The following MS4A6E variants were observed in gnomAD, a reference collection of about 807,000 sequenced individuals.
MS4A6E encodes membrane spanning 4-domains A6E.
In MS4A6E, 8 loss-of-function variants were observed where a neutral mutation model predicts 13.2. That is an observed-to-expected ratio of 0.60 (90% CI 0.35 to 1.09). MS4A6E has a LOEUF of 1.09. MS4A6E is among the 50% of genes least tolerant of loss of function. MS4A6E has a pLI of 0.02. For synonymous variants in MS4A6E, 72 were observed against 67.6 expected (o/e 1.06, Z -0.32); for missense variants, 177 against 171.1 (o/e 1.03, Z -0.19).
chr11:60,332,256 C>G (rs750445230), intron 1 of MS4A6E, among the ~76,000 whole-genome samples: 1 of 152,164 alleles, frequency 6.6e-6, no homozygotes, highest in Admixed American at 6.5e-5. Flanking sequence ...ATGTATTAGT[C>G]TACTTTATTA....
intron 2 of MS4A6E, chr11:60,335,457 C>T: frequency 2.5e-6 from 1 of 397,914 alleles, no homozygotes; most frequent in Non-Finnish European, 4.9e-6. Flanking sequence ...CCTCCTCTCC[C>T]TGTTTTCTTC....
chr11:60,339,869 A>G lies in MS4A6E; in HGVS notation c.358A>G (p.Thr120Ala). The change falls in exon 4 of 5, where the codon ACT becomes GCT. Residue 120 changes from threonine (T) to alanine (A), a missense_variant. By Grantham distance (58) the Thr-to-Ala change is moderately conservative. Transcript: ENST00000684409. ...TATTTTATTTCTTGACTTTCAGGGA[A>G]CTCTGTCTCTGATGCTGGTTTCTAC... ...CHRAKASLAG[T>A]LSLMLVSTVL... 1 of 1,612,948 alleles carries G rather than the reference A, an allele frequency of 6.2e-7. No homozygotes were observed.
rs150096314 is a variant in MS4A6E, at chr11:60,337,857, C to T, written c.264C>T (p.Asp88=). 7.0e-4 allele frequency: 1,127 copies of T among 1,614,090 alleles called. 9 individuals are homozygous for T. In the African/African-American group the frequency reaches 0.013, roughly 18 times the overall value. Residue 88 remains aspartate (D), a synonymous_variant, in exon 3 of 5, where the codon GAC becomes GAT. Transcript: ENST00000684409. ...LNPASLQCKL[D]EKDIPTRLLL... ...CTGCCTCATTGCAGTGTAAGTTGGACGAAAAGGATATACCAACCAGACTTC... is the reference window on the plus strand; with the variant it reads ...CTGCCTCATTGCAGTGTAAGTTGGATGAAAAGGATATACCAACCAGACTTC...
At chr11:60,336,449 A>T (rs1028653261) in intron 2 of MS4A6E, among the ~76,000 whole-genome samples, 3 of 152,188 alleles carry the variant, frequency 2.0e-5, no homozygotes, top group African/African-American at 7.2e-5. Flanking sequence ...CCCACAGTGA[A>T]CATGCAGGAA....
At chr11:60,329,166 TTG>T (rs2085138577) in intron 1 of MS4A6E, among the ~76,000 whole-genome samples, 1 of 129,048 alleles carries the variant, frequency 7.7e-6, no homozygotes, top group Non-Finnish European at 1.6e-5. Flanking sequence ...CCGACAGGCC[TTG>T]GTGTGTGATG....
At chr11:60,346,639 G>T (rs547531043) in intron 4 of MS4A6E, among the ~76,000 whole-genome samples, 1 of 152,102 alleles carries the variant, frequency 6.6e-6, no homozygotes, top group Non-Finnish European at 1.5e-5. Flanking sequence ...TTCTTTGTAG[G>T]CCCTCTAATA....
At chr11:60,336,914 A>G (rs996431729) in intron 2 of MS4A6E, among the ~76,000 whole-genome samples, 1 of 152,212 alleles carries the variant, frequency 6.6e-6, no homozygotes. Flanking sequence ...TCATAAATGT[A>G]GAAATGAGAA....
At chr11:60,334,607 T>C (rs1376880007) in intron 1 of MS4A6E, among the ~76,000 whole-genome samples, 3 of 152,220 alleles carry the variant, frequency 2.0e-5, no homozygotes, top group African/African-American at 7.2e-5. Context: ...GCAAATTTTG[T>C]GTGACCCTTT....
At chr11:60,345,172 G>C (rs762914911), downstream of MS4A6E, among the ~76,000 whole-genome samples, 4 of 152,090 alleles carry the variant, frequency 2.6e-5, no homozygotes, top group African/African-American at 4.8e-5. Context: ...CTGATCTTGT[G>C]ATCCACCCGC....
At chr11:60,339,834 G>A (rs1264083551) in intron 3 of MS4A6E, 32 bp from the exon 4 acceptor site, 5 of 1,595,554 alleles carry the variant, frequency 3.1e-6, no homozygotes, top group African/African-American at 2.7e-5. Flanking sequence ...GCTGACCCAA[G>A]CATCACTGAT....
downstream of MS4A6E, among the ~76,000 whole-genome samples, chr11:60,343,579 A>C (rs1028605242): frequency 7.2e-5 from 11 of 152,192 alleles, no homozygotes; most frequent in Non-Finnish European, 1.5e-4. Context: ...GGTTCTATGA[A>C]GTTACAAATG....
At chr11:60,345,454 G>T (rs2085252226), downstream of MS4A6E, among the ~76,000 whole-genome samples, 1 of 152,312 alleles carries the variant, frequency 6.6e-6, no homozygotes, top group Non-Finnish European at 1.5e-5. Flanking sequence ...ATTTAGAGTG[G>T]CTACTGCATA....
downstream of MS4A6E, among the ~76,000 whole-genome samples, chr11:60,345,224 G>A (rs1177797552): frequency 7.2e-5 from 11 of 152,132 alleles, no homozygotes; most frequent in African/African-American, 1.4e-4. Context: ...TTGAGCCACC[G>A]CGCCCTGCCC....
rs578170722 is a variant in MS4A6E, at chr11:60,335,036, T to C, written c.141T>C (p.Val47=). 6.2e-7 allele frequency: 1 copy of C among 1,613,880 alleles called. No individual in the cohort carries two copies. The highest frequency in any genetic ancestry group is 1.1e-5 in the South Asian group (1 of 91,054). The change falls in exon 2 of 5, where the codon GTT becomes GTC. Residue 47 remains valine (V), a synonymous_variant. Transcript: ENST00000684409. The part of the protein sequence containing the change: ...LKKRLQAKVK[V]IGVHSSLAGS... ...AACGTCTACAGGCAAAAGTCAAAGT[T>C]ATTGGGGTAAATCTAATTCAGAACA...
downstream of MS4A6E, among the ~76,000 whole-genome samples, chr11:60,342,081 C>T (rs2135065746): frequency 6.6e-6 from 1 of 151,210 alleles, no homozygotes; most frequent in African/African-American, 2.4e-5. Context: ...AAGACACTAA[C>T]TGTTATTTGA....
At chr11:60,348,592 C>T (rs1286673434) in intron 4 of MS4A6E, among the ~76,000 whole-genome samples, 5 of 152,284 alleles carry the variant, frequency 3.3e-5, no homozygotes, top group African/African-American at 7.2e-5. Context: ...TTGCTGATGC[C>T]GGATCAAGCA....
At position 60,334,915 on chromosome 11, in the gene MS4A6E, C is replaced by T. The variant is rs2085178428; in HGVS notation, c.20C>T (p.Ser7Phe). The T allele has an allele frequency of 6.2e-7, 1 of 1,613,946 alleles. No individual in the cohort carries two copies. The highest frequency in any genetic ancestry group is 1.3e-5 in the African/African-American group (1 of 74,912). Residue 7 changes from serine (S) to phenylalanine (F), a missense_variant, in exon 2 of 5, where the codon TCC becomes TTC. By Grantham distance (155) the Ser-to-Phe change is radical (BLOSUM62 -2). Transcript: ENST00000684409. MTSQPISNETIIMLPSN... is the reference protein window; with the variant it reads MTSQPIFNETIIMLPSN... ...ACCATTATGACATCACAACCTATTT[C>T]CAATGAGACCATCATAATGCTCCCA...
chr11:60,338,561 G>C (rs1441123114), intron 3 of MS4A6E: 2 of 152,348 alleles, frequency 1.3e-5, no homozygotes, highest in Non-Finnish European at 2.9e-5. Context: ...TAGGGAGATG[G>C]AGAGTGTAAC....
downstream of MS4A6E, among the ~76,000 whole-genome samples, chr11:60,345,801 G>T (rs1468872150): frequency 1.3e-5 from 2 of 152,138 alleles, no homozygotes; most frequent in African/African-American, 2.4e-5. Flanking sequence ...GGACCAGTAG[G>T]GCCACTGTGG....
Sources: allele counts gnomAD v4.1 joint callset (sites outside exome capture counted in the v4.1 genomes callset), GRCh38; gene constraint gnomAD v4.1.1; transcripts MANE v1.5; gene names NCBI Gene and HGNC (gene_info 2026-07-23, HGNC 2026-07-21).